PRKAG2: variants seen among roughly 807,000 people sequenced by gnomAD.
PRKAG2 encodes protein kinase AMP-activated non-catalytic subunit gamma 2, also known as 5'-AMP-activated protein kinase subunit gamma-2.
In PRKAG2, 26 loss-of-function variants were observed where a neutral mutation model predicts 69.6. That is an observed-to-expected ratio of 0.37 (90% CI 0.27 to 0.52). The LOEUF is 0.52. PRKAG2 is among the 20% of genes least tolerant of loss of function. The probability of loss-of-function intolerance (pLI) is 0.90; values close to 1 mark genes in which losing one functional copy is unlikely to be tolerated. For missense variants in PRKAG2, 557 were observed against 740.0 expected, an observed-to-expected ratio of 0.75 and a Z score of 2.87; for synonymous variants, 293 against 285.0, an observed-to-expected ratio of 1.03 and a Z score of -0.28.
In PRKAG2 at chr7:151,770,304, T is replaced by G. The variant is rs79488725; in HGVS notation, c.466+10848A>C. 1.2e-3 allele frequency among the ~76,000 whole-genome samples: 176 copies of G among 152,344 alleles called. 2 individuals carry two copies. Among genetic ancestry groups the G allele is most frequent in the African/African-American group, 4.0e-3 (168 of 41,578 alleles). The stretch of plus-strand genomic sequence containing the variant: ...GCTTCACCCTCTGACATATAGGGCC[T>G]ACTGTAATCCATTTAAAGGTTAAGT... On this transcript the variant is annotated intron_variant, in intron 3 of 15. Coordinates refer to ENST00000287878, the MANE Select transcript of PRKAG2 (RefSeq NM_016203.4).
At chr7:151,747,476 G>A (rs1397373521) in intron 3 of PRKAG2, among the ~76,000 whole-genome samples, 1 of 152,138 alleles carries the variant, frequency 6.6e-6, no homozygotes, top group African/African-American at 2.4e-5. Flanking sequence ...AGAATCGCTT[G>A]AACCTGGAAG....
At chr7:151,621,625 T>A (rs1821510086) in intron 5 of PRKAG2, among the ~76,000 whole-genome samples, 1 of 152,122 alleles carries the variant, frequency 6.6e-6, no homozygotes, top group Non-Finnish European at 1.5e-5. Context: ...CAGGCTGGAG[T>A]GCAGTGGTGT....
intron 3 of PRKAG2, chr7:151,736,320 C>T: frequency 8.8e-7 from 1 of 1,137,720 alleles, no homozygotes; most frequent in Non-Finnish European, 1.1e-6. Flanking sequence ...GAAGCGCAAA[C>T]AGAACTTCGC....
rs371508109 is a variant in PRKAG2 at position 151,830,248 on chromosome 7, T to C, written c.115-43707A>G. Among the ~76,000 whole-genome samples, 7 of 151,776 alleles carry C rather than the reference T, an allele frequency of 4.6e-5. No individual in the cohort carries two copies. In the South Asian group the frequency reaches 1.0e-3, roughly 23 times the overall value. On this transcript the variant is annotated intron_variant, in intron 1 of 15. Transcript: ENST00000287878. The stretch of plus-strand genomic sequence containing the variant: ...TGGCCCAGGCCGAGAGGAACCTATC[T>C]GTCCGCAGGCTGACCGGGAGCCACC...
chr7:151,685,967 G>A lies in PRKAG2; in HGVS notation c.467-10330C>T, dbSNP rs577138819. Among the ~76,000 whole-genome samples the A allele has an allele frequency of 4.6e-5, 7 of 152,276 alleles. No homozygotes were observed. In the South Asian group the frequency reaches 1.4e-3, roughly 32 times the overall value. On this transcript the variant is annotated intron_variant, in intron 3 of 15. Coordinates refer to ENST00000287878, the MANE Select transcript of PRKAG2 (RefSeq NM_016203.4). ...GCTTAATCGAAGATGCTAGGTTTAT[G>A]TATCTGCTAGTGCCCTCTTTCCCTG...
chr7:151,784,264 G>C (rs2076885624), intron 2 of PRKAG2, among the ~76,000 whole-genome samples: 1 of 152,208 alleles, frequency 6.6e-6, no homozygotes, highest in Non-Finnish European at 1.5e-5. Context: ...GGTGAGCCCG[G>C]ACCTGGTGCA....
chr7:151,574,240 C>G (rs886729687), intron 8 of PRKAG2, among the ~76,000 whole-genome samples: 2 of 152,120 alleles, frequency 1.3e-5, no homozygotes, highest in African/African-American at 4.8e-5. Flanking sequence ...GTCCTTCCCC[C>G]CACCCTCATG....
intron 1 of PRKAG2, among the ~76,000 whole-genome samples, chr7:151,861,758 G>A (rs1341549324): frequency 6.6e-6 from 1 of 151,906 alleles, no homozygotes; most frequent in Non-Finnish European, 1.5e-5. Flanking sequence ...GTGAGGTGGG[G>A]ATTATATTCT....
chr7:151,855,253 ACCC>A (rs2079711810), intron 1 of PRKAG2, among the ~76,000 whole-genome samples: 1 of 13,036 alleles, frequency 7.7e-5, no homozygotes, highest in Non-Finnish European at 1.6e-4. Flanking sequence ...CACACACACC[ACCC>A]TCCACACACA....
chr7:151,822,221 C>T (rs146905278), intron 1 of PRKAG2, among the ~76,000 whole-genome samples: 2 of 152,286 alleles, frequency 1.3e-5, no homozygotes, highest in African/African-American at 4.8e-5. Context: ...AGGGCTGGGG[C>T]CAGAGCACAA....
At chr7:151,672,141 G>A (rs560157617) in intron 4 of PRKAG2, among the ~76,000 whole-genome samples, 53 of 147,498 alleles carry the variant, frequency 3.6e-4, no homozygotes, top group African/African-American at 1.1e-3. Flanking sequence ...TCGCTCTGTC[G>A]CCCAGGCTGG....
At chr7:151,675,323 G>T in intron 4 of PRKAG2, 97 bp downstream of exon 4, 1 of 1,234,752 alleles carries the variant, frequency 8.1e-7, no homozygotes, top group Non-Finnish European at 1.2e-6. Context: ...CACGACCTCA[G>T]CCTCGGCTGC....
intron 10 of PRKAG2, 123 bp from the exon 11 acceptor site, chr7:151,568,965 G>T: frequency 8.3e-7 from 1 of 1,205,434 alleles, no homozygotes; most frequent in East Asian, 2.5e-5. Flanking sequence ...TGTTTTGGAA[G>T]AGTTTTAAAT....
At chr7:151,759,283 T>G (rs914119292) in intron 3 of PRKAG2, among the ~76,000 whole-genome samples, 5 of 152,172 alleles carry the variant, frequency 3.3e-5, no homozygotes, top group Non-Finnish European at 7.4e-5. Context: ...ACTGGCCAAA[T>G]GTCTCCATGT....
At chr7:151,775,394 G>A (rs766557146) in intron 3 of PRKAG2, among the ~76,000 whole-genome samples, 2 of 152,188 alleles carry the variant, frequency 1.3e-5, no homozygotes, top group African/African-American at 2.4e-5. Context: ...AAAGATCCAC[G>A]AATTCTTGCT....
chr7:151,661,405 T>C (rs1183167344), intron 4 of PRKAG2, among the ~76,000 whole-genome samples: 2 of 152,126 alleles, frequency 1.3e-5, no homozygotes, highest in Non-Finnish European at 2.9e-5. Flanking sequence ...CTTGAACTCC[T>C]GACCTCATAT....
chr7:151,629,340 T>G (rs1367684634), intron 5 of PRKAG2, among the ~76,000 whole-genome samples: 2 of 152,108 alleles, frequency 1.3e-5, no homozygotes, highest in Non-Finnish European at 2.9e-5. Context: ...CCTAGAGAAC[T>G]GGAATCTGCC....
At position 151,639,843 on chromosome 7, in the gene PRKAG2, C is replaced by T. The variant is rs1417590508; in HGVS notation, c.685-7705G>A. ...TGGGACTTCTCAGCCTCCATAATCC[C>T]ATGAGGCAATTCCCCCAATAAATCC... On this transcript the variant is annotated intron_variant, in intron 4 of 15. Coordinates refer to ENST00000287878, the MANE Select transcript of PRKAG2 (RefSeq NM_016203.4). Among the ~76,000 whole-genome samples, 4 of 152,162 alleles carry T rather than the reference C, an allele frequency of 2.6e-5. No homozygotes were observed. The East Asian group carries it at 7.7e-4, about 29-fold the overall frequency.
chr7:151,594,432 T>C lies in PRKAG2; in HGVS notation c.864+913A>G, dbSNP rs144245587. Among the ~76,000 whole-genome samples the C allele has an allele frequency of 2.7e-3, 410 of 152,330 alleles. 3 individuals carry two copies. The highest frequency in any genetic ancestry group is 9.2e-3 in the African/African-American group (384 of 41,574). On this transcript the variant is annotated intron_variant, in intron 6 of 15. Transcript: ENST00000287878. ...TAGTTTGATCACGGTATTGAGTATA[T>C]TATTTAGGACTTTTTGTATGTGATT...
Sources: allele counts gnomAD v4.1 joint callset (sites outside exome capture counted in the v4.1 genomes callset), GRCh38; gene constraint gnomAD v4.1.1; transcripts MANE v1.5; gene names NCBI Gene and HGNC (gene_info 2026-07-23, HGNC 2026-07-21).